The following PRR5 variants were observed in gnomAD, a reference collection of about 807,000 sequenced individuals.
The protein encoded by PRR5 is proline-rich protein 5.
PRR5 carries 25 observed loss-of-function variants against 30.6 expected under a neutral mutation model. That is an observed-to-expected ratio of 0.82 (90% CI 0.60 to 1.14). The LOEUF is 1.14. PRR5 is among the 50% of genes most tolerant of loss of function. The pLI, the probability that PRR5 is intolerant of heterozygous loss-of-function variation, is 0.00. For missense variants in PRR5, 600 were observed against 547.1 expected, an observed-to-expected ratio of 1.10 and a Z score of -0.96; for synonymous variants, 286 against 247.1, an observed-to-expected ratio of 1.16 and a Z score of -1.48.
At chr22:44,694,369 C>G (rs1322159123) in intron 1 of PRR5, among the ~76,000 whole-genome samples, 1 of 152,144 alleles carries the variant, frequency 6.6e-6, no homozygotes, top group African/African-American at 2.4e-5. Context: ...GAAACCCCAT[C>G]TCTACTAAAA....
chr22:44,690,978 A>G (rs1271874568), intron 1 of PRR5, among the ~76,000 whole-genome samples: 1 of 152,084 alleles, frequency 6.6e-6, no homozygotes, highest in East Asian at 1.9e-4. Flanking sequence ...CTGCAGGCAG[A>G]GGGCCTCATC....
Position 44,717,970 on chromosome 22 carries a change from C to T in PRR5, c.215+3299C>T, listed in dbSNP as rs1167141262. Among the ~76,000 whole-genome samples the T allele has an allele frequency of 3.9e-5, 6 of 152,262 alleles. No individual in the cohort carries two copies. The East Asian group carries it at 1.2e-3, about 30-fold the overall frequency. On this transcript the variant is annotated intron_variant, in intron 2 of 7. Coordinates refer to ENST00000336985, the MANE Select transcript of PRR5 (RefSeq NM_181333.4). The stretch of plus-strand genomic sequence containing the variant: ...CCTCAGGTGATCCACCTGCCTCGGC[C>T]TCCCAGAGTGCTGGGATTACAGGCG...
chr22:44,702,479 G>A lies in PRR5; in HGVS notation c.5G>A (p.Arg2Lys). Residue 2 changes from arginine to lysine, a missense_variant, in exon 1 of 8, where the codon AGG becomes AAG. Transcript: ENST00000336985. M[R>K]TLRRLKFMSS... ...GCGCAGGCGGCCCGGGTCACCATGA[G>A]GACTCTCCGCAGGTTGAAGTTCATG... 1.4e-6 allele frequency: 2 copies of A among 1,455,498 alleles called. No individual in the cohort carries two copies. The highest frequency in any genetic ancestry group is 1.8e-6 in the Non-Finnish European group (2 of 1,100,174). The allele number at this position is 1,455,498 out of a possible 1,614,324, so 90.2% of individuals were successfully genotyped here. A position where few individuals can be genotyped will look rare whatever the true frequency, so the allele number is the denominator to read the frequency against.
intron 3 of PRR5, 131 bp downstream of exon 3, chr22:44,725,423 C>T (rs1343818604): frequency 5.5e-6 from 7 of 1,264,874 alleles, no homozygotes; most frequent in Non-Finnish European, 7.7e-6. Flanking sequence ...AAGGACCTGC[C>T]TCGTTCCTTA....
chr22:44,683,071 A>G (rs1389713357), intron 1 of PRR5, among the ~76,000 whole-genome samples: 3 of 152,242 alleles, frequency 2.0e-5, no homozygotes, highest in African/African-American at 7.2e-5. Flanking sequence ...TTCCAAGGAC[A>G]GAGCCTTCCA....
upstream of PRR5, among the ~76,000 whole-genome samples, chr22:44,698,336 G>A (rs1925952353): frequency 6.6e-6 from 1 of 151,556 alleles, no homozygotes; most frequent in African/African-American, 2.4e-5. Context: ...TGGCTCTGGT[G>A]GCTTTGGGGT....
chr22:44,677,996 T>C (rs1454807804), intron 1 of PRR5, among the ~76,000 whole-genome samples: 1 of 152,136 alleles, frequency 6.6e-6, no homozygotes, highest in African/African-American at 2.4e-5. Flanking sequence ...GCTGGGGGCC[T>C]CAAGGACCAG....
At chr22:44,722,423 C>G (rs1930081058) in intron 2 of PRR5, among the ~76,000 whole-genome samples, 1 of 152,236 alleles carries the variant, frequency 6.6e-6, no homozygotes, top group Admixed American at 6.5e-5. Flanking sequence ...TGCAGTACTG[C>G]CCGAGCCCCA....
intron 1 of PRR5, among the ~76,000 whole-genome samples, chr22:44,677,987 C>A (rs897837154): frequency 2.6e-5 from 4 of 152,152 alleles, no homozygotes; most frequent in African/African-American, 9.7e-5. Flanking sequence ...GGAGCTGGTG[C>A]TGGGGGCCTC....
In PRR5 at chr22:44,690,271, G is replaced by A. The variant is rs143929333; in HGVS notation, c.-10-12221G>A. Among the ~76,000 whole-genome samples the A allele has an allele frequency of 1.1e-3, 161 of 152,278 alleles. 1 individual carries two copies. In the Middle Eastern group the frequency reaches 0.014, roughly 13 times the overall value. ...GTGGGCAGGTGAATGTCCACTGGGT[G>A]TTGACCTGTGCCTGAACGTTGACCT... On this transcript the variant is annotated intron_variant, in intron 1 of 8. Coordinates refer to the PRR5 transcript ENST00000006251.
chr22:44,693,853 A>G (rs1601971491), intron 1 of PRR5, among the ~76,000 whole-genome samples: 1 of 129,300 alleles, frequency 7.7e-6, no homozygotes, highest in African/African-American at 3.0e-5. Context: ...CGTGTTAGCC[A>G]GTATGGTCTC....
chr22:44,723,119 G>A (rs1930192869), intron 2 of PRR5, among the ~76,000 whole-genome samples: 1 of 151,942 alleles, frequency 6.6e-6, no homozygotes, highest in African/African-American at 2.4e-5. Context: ...CCGAGGAGCT[G>A]AGATTATAGG....
chr22:44,728,964 G>A (rs1353141671), intron 4 of PRR5, among the ~76,000 whole-genome samples: 1 of 152,190 alleles, frequency 6.6e-6, no homozygotes, highest in Non-Finnish European at 1.5e-5. Context: ...ACTGGACCGC[G>A]GCCGGGGTTG....
At chr22:44,699,154 A>C (rs753694322), upstream of PRR5, among the ~76,000 whole-genome samples, 2 of 152,080 alleles carry the variant, frequency 1.3e-5, no homozygotes, top group African/African-American at 2.4e-5. Context: ...CCACCTCCGG[A>C]ATTTCTGGCT....
intron 1 of PRR5, among the ~76,000 whole-genome samples, chr22:44,713,340 G>A (rs1302445183): frequency 6.6e-6 from 1 of 152,346 alleles, no homozygotes; most frequent in East Asian, 1.9e-4. Flanking sequence ...CAGGTGATTC[G>A]CCCACCTCAG....
At chr22:44,689,450 C>T (rs936196145) in intron 1 of PRR5, among the ~76,000 whole-genome samples, 3 of 152,200 alleles carry the variant, frequency 2.0e-5, no homozygotes, top group Non-Finnish European at 4.4e-5. Context: ...ACCACAGCTA[C>T]GAGAGTTTCT....
chr22:44,674,714 G>A (rs994113776), upstream of PRR5, among the ~76,000 whole-genome samples: 16 of 150,904 alleles, frequency 1.1e-4, no homozygotes, highest in African/African-American at 3.9e-4. Flanking sequence ...GAGAGACTCC[G>A]TCTAAAAAAA....
At chr22:44,725,366 C>T in intron 3 of PRR5, 74 bp downstream of exon 3, 3 of 1,594,292 alleles carry the variant, frequency 1.9e-6, no homozygotes, top group Non-Finnish European at 8.5e-7. Context: ...CTCACCTGCC[C>T]CCGGGGGTGT....
intron 7 of PRR5, among the ~76,000 whole-genome samples, chr22:44,735,888 T>C (rs1923143969): frequency 6.6e-6 from 1 of 152,190 alleles, no homozygotes; most frequent in Non-Finnish European, 1.5e-5. Context: ...GCTCAGGCAG[T>C]GCCCTGGCTG....
Sources: allele counts gnomAD v4.1 joint callset (sites outside exome capture counted in the v4.1 genomes callset), GRCh38; gene constraint gnomAD v4.1.1; transcripts MANE v1.5; gene names NCBI Gene and HGNC (gene_info 2026-07-23, HGNC 2026-07-21).